The following AGMO variants were observed in gnomAD, a reference collection of about 807,000 sequenced individuals.
AGMO encodes the protein alkylglycerol monooxygenase.
A neutral mutation model predicts 60.2 loss-of-function variants in AGMO; 75 were observed. That is an observed-to-expected ratio of 1.25 (90% CI 1.03 to 1.51). The LOEUF (loss-of-function observed/expected upper bound fraction) is 1.51. Ranked by LOEUF, AGMO falls within the 40% of genes most tolerant of loss-of-function variation. AGMO has a pLI of 0.00. For missense variants in AGMO, 763 were observed against 525.5 expected (o/e 1.45, Z -4.42); for synonymous variants, 261 against 177.1 (o/e 1.47, Z -3.76).
intron 12 of AGMO, among the ~76,000 whole-genome samples, chr7:15,250,936 ACT>A (rs1325228364): frequency 1.3e-5 from 2 of 149,672 alleles, no homozygotes; most frequent in Admixed American, 1.3e-4. Context: ...TAAGAGCAAA[ACT>A]CCATCTCAAA....
intron 12 of AGMO, among the ~76,000 whole-genome samples, chr7:15,220,795 T>G (rs1781895521): frequency 6.6e-6 from 1 of 152,096 alleles, no homozygotes; most frequent in Non-Finnish European, 1.5e-5. Flanking sequence ...TTACCATAAA[T>G]AGCATATATT....
chr7:15,378,201 A>T (rs1783529531), intron 10 of AGMO, among the ~76,000 whole-genome samples: 1 of 152,028 alleles, frequency 6.6e-6, no homozygotes, highest in African/African-American at 2.4e-5. Flanking sequence ...GTGGCTTTTT[A>T]TTTTAAAAAA....
chr7:15,240,138 C>A (rs1469865101), intron 12 of AGMO, among the ~76,000 whole-genome samples: 3 of 152,112 alleles, frequency 2.0e-5, no homozygotes, highest in Non-Finnish European at 4.4e-5. Context: ...ATGAAATAAA[C>A]ATCTATTTAT....
In AGMO at chr7:15,284,501, A is replaced by G. The variant is rs1385977278; in HGVS notation, c.1263+81013T>C. On this transcript the variant is annotated intron_variant, in intron 12 of 12. Coordinates refer to ENST00000342526, the MANE Select transcript of AGMO (RefSeq NM_001004320.2). ...ATGAATAAGCTCTTGGAAACGTACA[A>G]TCCTCCTAAATTAAATCAAGAAGAA... is the stretch of plus-strand genomic sequence containing the variant. 2.0e-5 allele frequency among the ~76,000 whole-genome samples: 3 copies of G among 152,006 alleles called. No homozygotes were observed. In the East Asian group the frequency reaches 5.8e-4, roughly 29 times the overall value.
the AGMO span, among the ~76,000 whole-genome samples, chr7:15,174,163 T>G: frequency 0.033 from 5,015 of 152,068 alleles, 270 homozygotes; most frequent in African/African-American, 0.11. Flanking sequence ...TGTCTGATAT[T>G]AATATATCCC....
intron 12 of AGMO, among the ~76,000 whole-genome samples, chr7:15,347,434 A>T (rs953983545): frequency 3.3e-5 from 5 of 152,078 alleles, no homozygotes; most frequent in African/African-American, 9.7e-5. Context: ...TGCTTCTTTA[A>T]TCCATGATAG....
rs1274601738 is a variant in AGMO at position 15,554,668 on chromosome 7, CA to C, written c.257+5472del. Reference sequence around the variant, plus strand: ...GAAATTTGTCAATGTTCAGTTACTACAAAAAAAGCTGCTAAGTTACTAAATT... The same window carrying C: ...GAAATTTGTCAATGTTCAGTTACTACAAAAAAGCTGCTAAGTTACTAAATT... On this transcript the variant is annotated intron_variant, in intron 2 of 12. Coordinates refer to ENST00000342526, the MANE Select transcript of AGMO (RefSeq NM_001004320.2). 3.9e-5 allele frequency among the ~76,000 whole-genome samples: 6 copies of C among 151,996 alleles called. No individual in the cohort carries two copies. In the South Asian group the frequency reaches 6.2e-4, roughly 16 times the overall value.
the AGMO span, among the ~76,000 whole-genome samples, chr7:15,140,617 T>A: frequency 6.6e-6 from 1 of 152,166 alleles, no homozygotes; most frequent in Non-Finnish European, 1.5e-5. Context: ...TTTCTTCAGA[T>A]AATATTTTCT....
intron 3 of AGMO, among the ~76,000 whole-genome samples, chr7:15,521,191 G>A (rs1236792237): frequency 6.6e-6 from 1 of 152,132 alleles, no homozygotes; most frequent in East Asian, 1.9e-4. Context: ...TTCTGAAATT[G>A]AGGCAGTAAT....
At chr7:15,175,939 T>C in the AGMO span, among the ~76,000 whole-genome samples, 3 of 152,066 alleles carry the variant, frequency 2.0e-5, no homozygotes, top group Non-Finnish European at 4.4e-5. Flanking sequence ...TAATATGTTA[T>C]ATACATCACC....
chr7:15,357,744 T>C (rs1782594994), intron 12 of AGMO, among the ~76,000 whole-genome samples: 1 of 152,186 alleles, frequency 6.6e-6, no homozygotes, highest in Admixed American at 6.5e-5. Context: ...GAGAGAAGTC[T>C]TTCCACATTC....
At chr7:15,323,445 A>G (rs1781244183) in intron 12 of AGMO, among the ~76,000 whole-genome samples, 1 of 152,158 alleles carries the variant, frequency 6.6e-6, no homozygotes, top group Admixed American at 6.6e-5. Flanking sequence ...AAGTGTGAGG[A>G]GAAATACAGT....
intron 12 of AGMO, among the ~76,000 whole-genome samples, chr7:15,274,527 T>C (rs976732563): frequency 2.6e-5 from 4 of 152,270 alleles, no homozygotes; most frequent in Non-Finnish European, 4.4e-5. Context: ...GATTGGTCTA[T>C]GTTTTTATTT....
chr7:15,461,351 A>C (rs1305060882), intron 3 of AGMO, among the ~76,000 whole-genome samples: 1 of 152,048 alleles, frequency 6.6e-6, no homozygotes, highest in Non-Finnish European at 1.5e-5. Context: ...AACCATGATA[A>C]ATAAAGGCTG....
intron 5 of AGMO, among the ~76,000 whole-genome samples, chr7:15,399,692 G>A (rs1784503869): frequency 6.6e-6 from 1 of 152,086 alleles, no homozygotes; most frequent in African/African-American, 2.4e-5. Flanking sequence ...TCCAGTCTCT[G>A]GTGAAAGTGG....
intron 12 of AGMO, among the ~76,000 whole-genome samples, chr7:15,325,044 T>A (rs971779705): frequency 6.6e-6 from 1 of 152,190 alleles, no homozygotes; most frequent in African/African-American, 2.4e-5. Context: ...CTAACATTTT[T>A]AACATGCTTT....
the AGMO span, among the ~76,000 whole-genome samples, chr7:15,180,929 G>A: frequency 1.3e-5 from 2 of 152,288 alleles, no homozygotes; most frequent in African/African-American, 2.4e-5. Context: ...GCAAATGAAA[G>A]GGTGAAAAGG....
At chr7:15,243,965 T>C (rs1018212982) in intron 12 of AGMO, among the ~76,000 whole-genome samples, 2 of 152,128 alleles carry the variant, frequency 1.3e-5, no homozygotes, top group Non-Finnish European at 2.9e-5. Context: ...ATTTCCATAC[T>C]TTAGGTCATA....
At chr7:15,371,589 G>A (rs996229702) in intron 10 of AGMO, among the ~76,000 whole-genome samples, 4 of 152,162 alleles carry the variant, frequency 2.6e-5, no homozygotes, top group Admixed American at 2.6e-4. Flanking sequence ...TAGAGATGGG[G>A]TTTCACCATG....
Sources: allele counts gnomAD v4.1 joint callset (sites outside exome capture counted in the v4.1 genomes callset), GRCh38; gene constraint gnomAD v4.1.1; transcripts MANE v1.5; gene names NCBI Gene and HGNC (gene_info 2026-07-23, HGNC 2026-07-21).